Variants in LHX8 observed in about 807,000 individuals in gnomAD.
LHX8 encodes the protein LIM homeobox 8.
LHX8 carries 12 observed loss-of-function variants against 40.3 expected under a neutral mutation model. That is an observed-to-expected ratio of 0.30 (90% CI 0.19 to 0.48). The LOEUF (loss-of-function observed/expected upper bound fraction) is 0.48. Among genes scored for constraint, LHX8 ranks in the 20% least tolerant of loss-of-function variants. The pLI is 0.99. For missense variants in LHX8, 344 were observed against 433.7 expected, an observed-to-expected ratio of 0.79 and a Z score of 1.84; for synonymous variants, 179 against 162.0, an observed-to-expected ratio of 1.10 and a Z score of -0.80.
the LHX8 span, among the ~76,000 whole-genome samples, chr1:75,181,560 AGT>A: frequency 6.6e-6 from 1 of 152,268 alleles, no homozygotes; most frequent in East Asian, 1.9e-4. Flanking sequence ...GGAAAAGCGC[AGT>A]GTTTAGGTGG....
chr1:75,148,284 T>C lies in LHX8; in HGVS notation c.685-303T>C, dbSNP rs574588822. Among the ~76,000 whole-genome samples the C allele has an allele frequency of 1.3e-5, 2 of 152,346 alleles. 1 individual carries two copies. Among genetic ancestry groups the C allele is most frequent in the South Asian group, 4.1e-4 (2 of 4,830 alleles). On this transcript the variant is annotated intron_variant, in intron 6 of 8. Coordinates refer to ENST00000356261, the MANE Select transcript of LHX8 (RefSeq NM_001256114.2). Reference sequence around the variant, plus strand: ...ATGGAAAAAACAATAAATGAAACTCTTGCTATTTGATTTGTGGGTTATAAG... The same window carrying C: ...ATGGAAAAAACAATAAATGAAACTCCTGCTATTTGATTTGTGGGTTATAAG...
the LHX8 span, among the ~76,000 whole-genome samples, chr1:75,177,951 G>C: frequency 6.6e-6 from 1 of 152,190 alleles, no homozygotes; most frequent in East Asian, 1.9e-4. Context: ...TTTTGTCTTT[G>C]GTTCTGTTTA....
At chr1:75,166,644 A>G in the LHX8 span, among the ~76,000 whole-genome samples, 1 of 152,294 alleles carries the variant, frequency 6.6e-6, no homozygotes, top group Non-Finnish European at 1.5e-5. Context: ...AAGCGAGACC[A>G]TATGCAATTT....
intron 4 of LHX8, 73 bp from the exon 5 acceptor site, chr1:75,143,045 G>C: frequency 8.9e-7 from 1 of 1,126,306 alleles, no homozygotes. Context: ...ATAATGTGCT[G>C]GTTTAATATT....
At chr1:75,183,921 G>C in the LHX8 span, among the ~76,000 whole-genome samples, 1 of 152,150 alleles carries the variant, frequency 6.6e-6, no homozygotes, top group Non-Finnish European at 1.5e-5. Flanking sequence ...CAGAGTAAAG[G>C]CATGGAGGAA....
At chr1:75,187,162 G>T in the LHX8 span, among the ~76,000 whole-genome samples, 1 of 152,136 alleles carries the variant, frequency 6.6e-6, no homozygotes, top group African/African-American at 2.4e-5. Flanking sequence ...ACATGAAGGT[G>T]GCTGAACCAG....
At chr1:75,194,395 A>C in the LHX8 span, among the ~76,000 whole-genome samples, 1 of 152,108 alleles carries the variant, frequency 6.6e-6, no homozygotes, top group Non-Finnish European at 1.5e-5. Context: ...GGACCAGAGG[A>C]GCCATGAGCC....
the LHX8 span, among the ~76,000 whole-genome samples, chr1:75,184,436 C>T: frequency 6.6e-6 from 1 of 152,074 alleles, no homozygotes; most frequent in Non-Finnish European, 1.5e-5. Context: ...AACCATAATG[C>T]AATAAAATTA....
chr1:75,158,680 T>G lies in LHX8; in HGVS notation c.964+1604T>G, dbSNP rs114098170. On this transcript the variant is annotated intron_variant, in intron 8 of 8. Coordinates refer to ENST00000356261, the MANE Select transcript of LHX8 (RefSeq NM_001256114.2). ...TCAAATGTCCGTATGTTGTGTCAAT[T>G]TCTGTACCTTCTGTTCTATTTTATT... Among the ~76,000 whole-genome samples, 598 of 152,282 alleles carry G rather than the reference T, an allele frequency of 3.9e-3. 3 individuals are homozygous for G. The highest frequency in any genetic ancestry group is 0.012 in the African/African-American group (503 of 41,574).
At chr1:75,198,401 A>G in the LHX8 span, among the ~76,000 whole-genome samples, 2 of 152,182 alleles carry the variant, frequency 1.3e-5, no homozygotes, top group African/African-American at 4.8e-5. Context: ...GTTAATGACT[A>G]ACAGGCATTG....
chr1:75,189,089 C>T, the LHX8 span, among the ~76,000 whole-genome samples: 1 of 152,154 alleles, frequency 6.6e-6, no homozygotes, highest in Non-Finnish European at 1.5e-5. Context: ...GAACTATCCC[C>T]TAGAGATGGT....
the LHX8 span, among the ~76,000 whole-genome samples, chr1:75,197,084 G>A: frequency 6.6e-6 from 1 of 151,978 alleles, no homozygotes; most frequent in Non-Finnish European, 1.5e-5. Context: ...CTAATAGCAG[G>A]AAAAATTAAA....
intron 3 of LHX8, among the ~76,000 whole-genome samples, chr1:75,139,417 C>G (rs1648250830): frequency 6.6e-6 from 1 of 152,078 alleles, no homozygotes; most frequent in Non-Finnish European, 1.5e-5. Flanking sequence ...AAGAGAGAGG[C>G]CATGGCTCTT....
chr1:75,144,832 A>G (rs1648418475), intron 6 of LHX8, among the ~76,000 whole-genome samples: 2 of 152,156 alleles, frequency 1.3e-5, no homozygotes, highest in Non-Finnish European at 2.9e-5. Context: ...AAGGACATTT[A>G]TGCAGTGTTA....
chr1:75,158,728 T>A (rs1405292709), intron 8 of LHX8, among the ~76,000 whole-genome samples: 1 of 152,208 alleles, frequency 6.6e-6, no homozygotes, highest in Non-Finnish European at 1.5e-5. Context: ...TTTGTGTTGC[T>A]ACTTAATCAT....
rs571798655 is a variant in LHX8 at position 75,156,430 on chromosome 1, C to T, written c.781-463C>T. Reference sequence around the variant, plus strand: ...CTAGTTTTTGTATTTTTAGTAGAGACGGGGTTTTACCATGTTGGCCAGGCT... The same window carrying T: ...CTAGTTTTTGTATTTTTAGTAGAGATGGGGTTTTACCATGTTGGCCAGGCT... On this transcript the variant is annotated intron_variant, in intron 7 of 8. Transcript: ENST00000356261. Among the ~76,000 whole-genome samples the T allele has an allele frequency of 7.2e-5, 11 of 152,030 alleles. No individual in the cohort carries two copies. In the East Asian group the frequency reaches 9.7e-4, roughly 13 times the overall value.
intron 1 of LHX8, 42 bp from the exon 2 acceptor site, chr1:75,136,561 C>G (rs1221399477): frequency 7.0e-7 from 1 of 1,423,362 alleles, no homozygotes; most frequent in Admixed American, 2.0e-5. Flanking sequence ...CTCGGAACTT[C>G]TGATCTGTTT....
chr1:75,148,368 T>C (rs755874431), intron 6 of LHX8, among the ~76,000 whole-genome samples: 2 of 152,242 alleles, frequency 1.3e-5, no homozygotes, highest in Admixed American at 6.5e-5. Flanking sequence ...GAGTTTTACA[T>C]TGAAATGGAT....
intron 8 of LHX8, chr1:75,159,194 G>A (rs1024538712): frequency 2.6e-5 from 4 of 152,074 alleles, no homozygotes; most frequent in African/African-American, 9.7e-5. Context: ...GATTTTCATT[G>A]TTTGTTTTGC....
Sources: gnomAD v4.1 joint callset for allele counts (sites outside exome capture counted in the v4.1 genomes callset) on GRCh38, gnomAD v4.1.1 for gene constraint, MANE v1.5 for transcripts, NCBI Gene and HGNC (gene_info 2026-07-23, HGNC 2026-07-21) for gene names.